The following AP1G1 variants were observed in gnomAD, a reference collection of about 807,000 sequenced individuals.
The protein encoded by AP1G1 is AP-1 complex subunit gamma-1.
In AP1G1, 7 loss-of-function variants were observed where a neutral mutation model predicts 108.3. The ratio of observed to expected loss-of-function variants is 0.06; its 90% confidence interval spans 0.04 to 0.12. The LOEUF (loss-of-function observed/expected upper bound fraction) is 0.12, where lower values mean the gene tolerates loss of function less well. Among genes scored for constraint, AP1G1 ranks in the 10% least tolerant of loss-of-function variants. AP1G1 has a pLI of 1.00. For missense variants in AP1G1, 756 were observed against 1,010.7 expected, an observed-to-expected ratio of 0.75 and a Z score of 3.42; for synonymous variants, 379 against 353.5, an observed-to-expected ratio of 1.07 and a Z score of -0.81.
chr16:71,785,819 T>G (rs1438253401), intron 2 of AP1G1, among the ~76,000 whole-genome samples: 3 of 151,812 alleles, frequency 2.0e-5, no homozygotes, highest in South Asian at 4.2e-4. Context: ...GAGGCAGAGT[T>G]TGCAGTGAGC....
intron 1 of AP1G1, among the ~76,000 whole-genome samples, chr16:71,789,684 G>C (rs2032327651): frequency 6.6e-6 from 1 of 152,056 alleles, no homozygotes; most frequent in African/African-American, 2.4e-5. Context: ...TTCTGGAAAG[G>C]CTACAAACAA....
intron 11 of AP1G1, among the ~76,000 whole-genome samples, chr16:71,757,733 C>T (rs1461144800): frequency 6.6e-6 from 1 of 152,138 alleles, no homozygotes; most frequent in African/African-American, 2.4e-5. Context: ...TAAGCTCTTA[C>T]TGTTATATAT....
Position 71,793,995 on chromosome 16 carries a change from G to C in AP1G1, c.-3-4513C>G, listed in dbSNP as rs566311688. Among the ~76,000 whole-genome samples the C allele has an allele frequency of 2.6e-5, 4 of 152,328 alleles. No individual in the cohort carries two copies. The East Asian group carries it at 7.7e-4, about 29-fold the overall frequency. ...GGCCTCCCAAAGCCCTGGGATTACA[G>C]GCATGAGCAACCGCACCTGGACCAT... On this transcript the variant is annotated intron_variant, in intron 1 of 22. Coordinates refer to ENST00000299980, the MANE Select transcript of AP1G1 (RefSeq NM_001128.6).
At chr16:71,736,590 ATTTATTTATTTT>A (rs1187701302) in intron 21 of AP1G1, among the ~76,000 whole-genome samples, 3 of 119,100 alleles carry the variant, frequency 2.5e-5, no homozygotes, top group Admixed American at 1.8e-4. Flanking sequence ...TTATTTATTT[ATTTATTTATTTT>A]TTGAGACGAG....
chr16:71,765,543 C>T lies in AP1G1; in HGVS notation c.684G>A (p.Met228Ile). The change falls in exon 7 of 23, where the codon ATG becomes ATA. Residue 228 changes from methionine (M) to isoleucine (I), a missense_variant. Around this residue, in one of 3 missense-constraint regions of AP1G1, gnomAD observed 304 missense variants for 483.6 expected, o/e 0.63. Transcript: ENST00000299980. The stretch of plus-strand genomic sequence containing the variant: ...CATCATGTTCTGGTGAATATCCGGA[C>T]ATGATGAGGTTCTTTAAAATACGAA... ...QLVRILKNLI[M>I]SGYSPEHDVS... is the part of the protein sequence containing the mutation. The T allele has an allele frequency of 6.2e-7, 1 of 1,613,596 alleles. No homozygotes were observed. Among genetic ancestry groups the T allele is most frequent in the Non-Finnish European group, 8.5e-7 (1 of 1,179,714 alleles).
rs973567690 is a variant in AP1G1, at chr16:71,748,388, A to T, written c.1498-10T>A. 1.2e-6 allele frequency: 2 copies of T among 1,607,518 alleles called. No homozygotes were observed. The highest frequency in any genetic ancestry group is 1.7e-5 in the Admixed American group (1 of 57,254). On this transcript the variant is annotated splice_polypyrimidine_tract_variant and intron_variant, in intron 15 of 22. Coordinates refer to ENST00000299980, the MANE Select transcript of AP1G1 (RefSeq NM_001128.6). ...CTTCATCCTCTGTTACCTGAGGAGGAGGAGGAAAAAGAAGACGATGAAGAA... is the reference window on the plus strand; with the variant it reads ...CTTCATCCTCTGTTACCTGAGGAGGTGGAGGAAAAAGAAGACGATGAAGAA...
At chr16:71,798,223 T>A (rs1410673897) in intron 1 of AP1G1, among the ~76,000 whole-genome samples, 5 of 151,080 alleles carry the variant, frequency 3.3e-5, no homozygotes, top group Admixed American at 2.6e-4. Context: ...GGTGGGAGGA[T>A]CACTTGAGGC....
chr16:71,781,232 A>T (rs1362646067), intron 2 of AP1G1, among the ~76,000 whole-genome samples: 1 of 152,236 alleles, frequency 6.6e-6, no homozygotes, highest in Non-Finnish European at 1.5e-5. Flanking sequence ...TAGGCCTGAC[A>T]ACATAAAATC....
At chr16:71,762,226 T>G (rs1410705623) in intron 9 of AP1G1, among the ~76,000 whole-genome samples, 1 of 151,996 alleles carries the variant, frequency 6.6e-6, no homozygotes, top group Admixed American at 6.6e-5. Flanking sequence ...CTTGAAGACA[T>G]TATGTTAAAT....
At chr16:71,794,607 G>A (rs980801596) in intron 1 of AP1G1, among the ~76,000 whole-genome samples, 1 of 151,596 alleles carries the variant, frequency 6.6e-6, no homozygotes. Context: ...TTGGGTTTTG[G>A]AGCTTAAACT....
At chr16:71,734,556 G>A (rs546029145) in intron 22 of AP1G1, 53 bp downstream of exon 22, 19 of 1,407,550 alleles carry the variant, frequency 1.3e-5, no homozygotes, top group South Asian at 1.3e-4. Context: ...ATTTTATTTC[G>A]GGAAATATGC....
chr16:71,804,619 G>A (rs1270034902), intron 1 of AP1G1, among the ~76,000 whole-genome samples: 1 of 150,996 alleles, frequency 6.6e-6, no homozygotes, highest in Non-Finnish European at 1.5e-5. Flanking sequence ...TGTTGACCAG[G>A]CTAGTATCAA....
At chr16:71,773,651 A>C (rs113533478) in intron 3 of AP1G1, among the ~76,000 whole-genome samples, 1 of 152,212 alleles carries the variant, frequency 6.6e-6, no homozygotes, top group South Asian at 2.1e-4. Flanking sequence ...AAAACTCAGC[A>C]AACTTGGCAG....
intron 1 of AP1G1, chr16:71,806,719 T>TTA (rs1344591252): frequency 7.8e-7 from 1 of 1,288,270 alleles, no homozygotes; most frequent in Non-Finnish European, 1.0e-6. Context: ...TGTTCAGTGT[T>TTA]TGACAGTTCC....
intron 10 of AP1G1, among the ~76,000 whole-genome samples, chr16:71,760,670 G>T (rs372698278): frequency 2.0e-4 from 30 of 151,838 alleles, no homozygotes; most frequent in East Asian, 5.8e-4. Context: ...TCAGCCTCCT[G>T]AGTAGCTGGG....
At chr16:71,759,445 A>T (rs967945943) in intron 10 of AP1G1, among the ~76,000 whole-genome samples, 1 of 151,130 alleles carries the variant, frequency 6.6e-6, no homozygotes, top group Non-Finnish European at 1.5e-5. Context: ...TGGGTGACAG[A>T]GCGAGACTCT....
chr16:71,791,647 C>T (rs573198432), intron 1 of AP1G1, among the ~76,000 whole-genome samples: 130 of 146,842 alleles, frequency 8.9e-4, no homozygotes, highest in African/African-American at 3.0e-3. Flanking sequence ...ACACTGTATC[C>T]TGGGTGACAG....
intron 13 of AP1G1, 67 bp from the exon 14 acceptor site, chr16:71,750,399 T>C (rs900940534): frequency 1.0e-5 from 16 of 1,573,090 alleles, no homozygotes; most frequent in African/African-American, 2.7e-5. Flanking sequence ...TGTTAGCTAT[T>C]ATTATTACTG....
At chr16:71,762,467 T>C (rs1020185052) in intron 9 of AP1G1, among the ~76,000 whole-genome samples, 1 of 152,118 alleles carries the variant, frequency 6.6e-6, no homozygotes, top group Admixed American at 6.5e-5. Flanking sequence ...GGAACAACCA[T>C]GATATTAGAC....
Sources: gnomAD v4.1 joint callset for allele counts (sites outside exome capture counted in the v4.1 genomes callset) on GRCh38, gnomAD v4.1.1 for gene constraint, gnomAD v4.1.1 regional missense constraint, MANE v1.5 for transcripts, NCBI Gene and HGNC (gene_info 2026-07-23, HGNC 2026-07-21) for gene names.